Variants in ZFAND3 observed in about 807,000 individuals in gnomAD.
ZFAND3 encodes AN1-type zinc finger protein 3.
A neutral mutation model predicts 29.6 loss-of-function variants in ZFAND3; 10 were observed. The observed-to-expected ratio is 0.34, with a 90% CI of 0.21 to 0.57. The LOEUF (loss-of-function observed/expected upper bound fraction) is 0.57. Ranked by LOEUF, ZFAND3 falls within the 20% of genes least tolerant of loss-of-function variation. ZFAND3 has a pLI of 0.86. For synonymous variants in ZFAND3, 128 were observed against 112.6 expected, an observed-to-expected ratio of 1.14 and a Z score of -0.87; for missense variants, 230 against 304.5, an observed-to-expected ratio of 0.76 and a Z score of 1.82.
intron 2 of ZFAND3, among the ~76,000 whole-genome samples, chr6:38,014,321 ATTATTATTATTT>A (rs1028428217): frequency 6.7e-6 from 1 of 150,186 alleles, no homozygotes; most frequent in Non-Finnish European, 1.5e-5. Flanking sequence ...CTTTATTATT[ATTATTATTATTT>A]TTTTTTTTTT....
chr6:37,985,126 C>T (rs1762644203), intron 2 of ZFAND3, among the ~76,000 whole-genome samples: 1 of 152,002 alleles, frequency 6.6e-6, no homozygotes, highest in Non-Finnish European at 1.5e-5. Flanking sequence ...GTATGTAAGG[C>T]ACTAGAGGAA....
At chr6:38,109,127 G>C (rs1434490643) in intron 4 of ZFAND3, among the ~76,000 whole-genome samples, 2 of 150,708 alleles carry the variant, frequency 1.3e-5, no homozygotes, top group Non-Finnish European at 1.5e-5. Flanking sequence ...TTAGAAAGAA[G>C]AGTTAGAGGG....
At chr6:38,147,018 T>TG (rs772494819) in intron 5 of ZFAND3, among the ~76,000 whole-genome samples, 1 of 152,128 alleles carries the variant, frequency 6.6e-6, no homozygotes, top group African/African-American at 2.4e-5. Flanking sequence ...AGGGTTAGGG[T>TG]GTCTGTCACC....
intron 1 of ZFAND3, among the ~76,000 whole-genome samples, chr6:37,917,689 C>T (rs1290063125): frequency 1.3e-5 from 2 of 152,080 alleles, no homozygotes; most frequent in Non-Finnish European, 2.9e-5. Context: ...ATATTTTGAA[C>T]TTTGAGCTTC....
intron 2 of ZFAND3, among the ~76,000 whole-genome samples, chr6:37,973,869 T>A (rs751830584): frequency 5.9e-5 from 9 of 152,240 alleles, no homozygotes; most frequent in Non-Finnish European, 1.2e-4. Flanking sequence ...GCATTTACTA[T>A]CACCTTTGAC....
chr6:38,006,095 T>C (rs993492442), intron 2 of ZFAND3, among the ~76,000 whole-genome samples: 4 of 152,232 alleles, frequency 2.6e-5, no homozygotes, highest in Non-Finnish European at 5.9e-5. Context: ...TGGGTTACTT[T>C]TACTTCAGTT....
intron 2 of ZFAND3, among the ~76,000 whole-genome samples, chr6:38,009,805 G>A (rs1219916758): frequency 6.6e-6 from 1 of 152,170 alleles, no homozygotes; most frequent in Non-Finnish European, 1.5e-5. Flanking sequence ...GTTATAAACA[G>A]TATGTAGCCA....
intron 5 of ZFAND3, among the ~76,000 whole-genome samples, chr6:38,139,165 T>C (rs905026100): frequency 1.3e-5 from 2 of 152,098 alleles, no homozygotes; most frequent in African/African-American, 4.8e-5. Context: ...GAGGTTGAGG[T>C]GAGGATATTG....
intron 4 of ZFAND3, among the ~76,000 whole-genome samples, chr6:38,093,251 T>C (rs542014952): frequency 3.3e-5 from 5 of 152,298 alleles, no homozygotes; most frequent in East Asian, 1.9e-4. Flanking sequence ...GATTAAGATA[T>C]GTTTGAAAAG....
At chr6:37,849,736 T>C (rs1764249419) in intron 1 of ZFAND3, among the ~76,000 whole-genome samples, 2 of 152,150 alleles carry the variant, frequency 1.3e-5, no homozygotes, top group Non-Finnish European at 2.9e-5. Flanking sequence ...ACTTCACTCC[T>C]TTTAAAATGA....
intron 1 of ZFAND3, among the ~76,000 whole-genome samples, chr6:37,899,809 C>T (rs1455895317): frequency 1.3e-5 from 2 of 152,092 alleles, no homozygotes; most frequent in Non-Finnish European, 2.9e-5. Context: ...TTTTTACTTC[C>T]GTTCACAGTT....
intron 4 of ZFAND3, among the ~76,000 whole-genome samples, chr6:38,102,926 T>C (rs1021366458): frequency 3.9e-5 from 6 of 152,034 alleles, no homozygotes; most frequent in African/African-American, 1.4e-4. Flanking sequence ...CCAACTAATT[T>C]TTGTATTTTT....
intron 2 of ZFAND3, among the ~76,000 whole-genome samples, chr6:37,935,739 T>G (rs972809794): frequency 1.3e-5 from 2 of 152,188 alleles, no homozygotes; most frequent in Admixed American, 1.3e-4. Flanking sequence ...GAGTATGGCT[T>G]TGGAAAATCT....
intron 2 of ZFAND3, among the ~76,000 whole-genome samples, chr6:37,974,315 C>T (rs565356399): frequency 5.9e-5 from 9 of 152,104 alleles, no homozygotes; most frequent in African/African-American, 1.4e-4. Context: ...CTGCCCTCCT[C>T]GGCCTCCCCA....
chr6:37,941,299 T>G (rs1761806118), intron 2 of ZFAND3, among the ~76,000 whole-genome samples: 1 of 152,242 alleles, frequency 6.6e-6, no homozygotes, highest in African/African-American at 2.4e-5. Context: ...GTCGGGATTG[T>G]ACTGTGAGGA....
At chr6:37,877,013 AG>A (rs1264426398) in intron 1 of ZFAND3, among the ~76,000 whole-genome samples, 1 of 152,146 alleles carries the variant, frequency 6.6e-6, no homozygotes, top group Non-Finnish European at 1.5e-5. Context: ...CACAGATCCT[AG>A]GTTTTAATCT....
At chr6:37,912,074 T>A (rs1285689782) in intron 1 of ZFAND3, among the ~76,000 whole-genome samples, 1 of 78,730 alleles carries the variant, frequency 1.3e-5, no homozygotes, top group African/African-American at 5.2e-5. Context: ...GTGTGTGTGA[T>A]GGTGTAGGTA....
intron 1 of ZFAND3, among the ~76,000 whole-genome samples, chr6:37,822,627 AT>A (rs1763687211): frequency 2.0e-5 from 3 of 152,180 alleles, no homozygotes; most frequent in African/African-American, 7.2e-5. Context: ...GACAGTTGCA[AT>A]ACGTTGTACA....
chr6:37,869,112 A>G (rs753282572), intron 1 of ZFAND3, among the ~76,000 whole-genome samples: 15 of 152,132 alleles, frequency 9.9e-5, no homozygotes, highest in Non-Finnish European at 1.8e-4. Context: ...CATAAAGTTC[A>G]TTGTATCGTT....
Sources: gnomAD v4.1 joint callset for allele counts (sites outside exome capture counted in the v4.1 genomes callset) on GRCh38, gnomAD v4.1.1 for gene constraint, MANE v1.5 for transcripts, NCBI Gene and HGNC (gene_info 2026-07-23, HGNC 2026-07-21) for gene names.